The following PPIB variants were observed in gnomAD, a reference collection of about 807,000 sequenced individuals.
PPIB encodes the protein peptidyl-prolyl cis-trans isomerase B.
A neutral mutation model predicts 20.1 loss-of-function variants in PPIB; 15 were observed. The observed-to-expected ratio is 0.75, with a 90% CI of 0.50 to 1.15. The LOEUF (loss-of-function observed/expected upper bound fraction) is 1.15. Among genes scored for constraint, PPIB ranks in the 50% most tolerant of loss-of-function variants. The pLI is 0.00. For missense variants in PPIB, 278 were observed against 283.0 expected, an observed-to-expected ratio of 0.98 and a Z score of 0.13; for synonymous variants, 129 against 111.0, an observed-to-expected ratio of 1.16 and a Z score of -1.02.
In PPIB at chr15:64,161,725, CAA is replaced by C. The variant is rs553065605; in HGVS notation, c.249+314_249+315del. Among the ~76,000 whole-genome samples, 3 of 135,182 alleles carry C rather than the reference CAA, an allele frequency of 2.2e-5. No homozygotes were observed. The highest frequency in any genetic ancestry group is 7.6e-5 in the Admixed American group (1 of 13,214). 88.7% of individuals were successfully genotyped at this position (135,182 alleles called of 152,430 possible). On this transcript the variant is annotated intron_variant, in intron 2 of 4. Coordinates refer to ENST00000300026, the MANE Select transcript of PPIB (RefSeq NM_000942.5). The surrounding 1 kb of genome is among the most constrained non-coding windows in gnomAD (Gnocchi z 4.2). ...AGGCGACAAGAGTGAAACTCCGTCT[CAA>C]AAAAAAAAAAAAATTTGCGGGGGTA...
In PPIB at chr15:64,161,209, G is replaced by A. The variant is rs562406236; in HGVS notation, c.249+832C>T. Among the ~76,000 whole-genome samples the A allele has an allele frequency of 8.0e-5, 12 of 149,842 alleles. No homozygotes were observed. The highest frequency in any genetic ancestry group is 2.1e-4 in the South Asian group (1 of 4,702). On this transcript the variant is annotated intron_variant, in intron 2 of 4. Coordinates refer to ENST00000300026, the MANE Select transcript of PPIB (RefSeq NM_000942.5). This position sits in a 1 kb window ranked among gnomAD's most constrained non-coding sequence, Gnocchi z 4.2. Reference sequence around the variant, plus strand: ...ACTCCTGACCTCAGGTGATCTACCCGCCTCAGCCTCCCAAAGTGCTGGGAC... The same window carrying A: ...ACTCCTGACCTCAGGTGATCTACCCACCTCAGCCTCCCAAAGTGCTGGGAC...
chr15:64,160,185 A>C lies in PPIB; in HGVS notation c.262T>G (p.Tyr88Asp). Residue 88 changes from tyrosine (Y) to aspartate (D), a missense_variant, in exon 3 of 5, where the codon TAC becomes GAC. Transcript: ENST00000300026. The surrounding 1 kb of genome is among the most constrained non-coding windows in gnomAD (Gnocchi z 4.8). ...ALATGEKGFG[Y>D]KNSKFHRVIK... ...ACACGATGGAATTTGCTGTTTTTGT[A>C]GCCAAATCCTTTCTAGAAAAAGGGA... The C allele has an allele frequency of 1.2e-6, 2 of 1,613,210 alleles. No homozygotes were observed. The highest frequency in any genetic ancestry group is 1.7e-6 in the Non-Finnish European group (2 of 1,179,132).
Position 64,156,699 on chromosome 15 carries a change from T to C in PPIB, c.528+26A>G, listed in dbSNP as rs1333524040. 6.2e-7 allele frequency: 1 copy of C among 1,613,628 alleles called. No homozygotes were observed. The highest frequency in any genetic ancestry group is 1.3e-5 in the African/African-American group (1 of 74,896). On this transcript the variant is annotated intron_variant, in intron 4 of 4. Coordinates refer to ENST00000300026, the MANE Select transcript of PPIB (RefSeq NM_000942.5). The surrounding 1 kb of genome is among the most constrained non-coding windows in gnomAD (Gnocchi z 6.4). ...TGAATCCCCGGTGAGGATTGCCCAG[T>C]AGTAGCCCTTGCTTCCACAACTCAC...
At position 64,155,851 on chromosome 15, in the gene PPIB, T is replaced by G; in HGVS notation, c.*172A>C. 2 of 897,708 alleles carry G rather than the reference T, an allele frequency of 2.2e-6. No individual in the cohort carries two copies. The highest frequency in any genetic ancestry group is 3.4e-6 in the Non-Finnish European group (2 of 586,476). 55.6% of individuals were successfully genotyped at this position (897,708 alleles called of 1,614,324 possible). On this transcript the variant is annotated 3_prime_UTR_variant, in exon 5 of 5. Transcript: ENST00000300026. ...AAAAAAAACCCACATTTTTTTTTAT[T>G]GGTCAGTGTTGGTAGGAGTTTGTTA...
In PPIB at chr15:64,156,285, T is replaced by TAACA. The variant is rs2081530843; in HGVS notation, c.529-144_529-141dup. ...CACAAAACTGGAGGCACCAAAATTC[T>TAACA]AACAGACTCCTGGCCAGAGCAGGGA... is the stretch of plus-strand genomic sequence containing the variant. On this transcript the variant is annotated intron_variant, in intron 4 of 4. Transcript: ENST00000300026. The surrounding 1 kb of genome is among the most constrained non-coding windows in gnomAD (Gnocchi z 6.4). 4.6e-6 allele frequency: 5 copies of TAACA among 1,091,364 alleles called. No homozygotes were observed. The East Asian group carries it at 1.3e-4, about 28-fold the overall frequency. The allele number at this position is 1,091,364 out of a possible 1,614,324, so 67.6% of individuals were successfully genotyped here. A position where few individuals can be genotyped will look rare whatever the true frequency, so the allele number is the denominator to read the frequency against.
In PPIB at chr15:64,157,791, C is replaced by T. The variant is rs1159960325; in HGVS notation, c.344-882G>A. 6.6e-6 allele frequency among the ~76,000 whole-genome samples: 1 copy of T among 152,230 alleles called. No homozygotes were observed. Among genetic ancestry groups the T allele is most frequent in the African/African-American group, 2.4e-5 (1 of 41,464 alleles). On this transcript the variant is annotated intron_variant, in intron 3 of 4. Transcript: ENST00000300026. The surrounding 1 kb of genome is among the most constrained non-coding windows in gnomAD (Gnocchi z 4.2). The stretch of plus-strand genomic sequence containing the variant: ...CACAGAATGGAACTGAGCTGGGAAA[C>T]TGTCCTAGACAGATGCCAACCAGGA...
At position 64,160,118 on chromosome 15, in the gene PPIB, C is replaced by A; in HGVS notation, c.329G>T (p.Gly110Val). 6.2e-7 allele frequency: 1 copy of A among 1,613,612 alleles called. No homozygotes were observed. Among genetic ancestry groups the A allele is most frequent in the East Asian group, 2.2e-5 (1 of 44,880 alleles). Residue 110 changes from glycine (G) to valine (V), a missense_variant, in exon 3 of 5, where the codon GGA becomes GTA. Physicochemically the swap from Gly to Val is moderately radical, Grantham distance 109. Coordinates refer to ENST00000300026, the MANE Select transcript of PPIB (RefSeq NM_000942.5). The surrounding 1 kb of genome is among the most constrained non-coding windows in gnomAD (Gnocchi z 4.8). The stretch of plus-strand genomic sequence containing the variant: ...CCTGTGGTTACCTCCTGTGCCATCT[C>A]CCCTGGTGAAGTCTCCGCCCTGGAT... ...FMIQGGDFTR[G>V]DGTGGKSIYG...
In PPIB at chr15:64,155,831, A is replaced by AC; in HGVS notation, c.*191_*192insG. On this transcript the variant is annotated 3_prime_UTR_variant, in exon 5 of 5. Coordinates refer to ENST00000300026, the MANE Select transcript of PPIB (RefSeq NM_000942.5). ...CACACATTATATATTAAAAAAAAAA[A>AC]AACCCACATTTTTTTTTATTGGTCA... 2.5e-6 allele frequency: 2 copies of AC among 794,336 alleles called. No homozygotes were observed. Among genetic ancestry groups the AC allele is most frequent in the East Asian group, 2.8e-5 (1 of 36,032 alleles). 49.2% of individuals were successfully genotyped at this position (794,336 alleles called of 1,614,324 possible). A position where few individuals can be genotyped will look rare whatever the true frequency, so the allele number is the denominator to read the frequency against.
rs1445500104 is a variant in PPIB, at chr15:64,160,085, CCA to C, written c.343+17_343+18del. 6.3e-7 allele frequency: 1 copy of C among 1,590,528 alleles called. No homozygotes were observed. ...AGGCTACACTGACATACTCCTTGGC[CCA>C]GAGGACCTGTGGTTACCTCCTGTGC... On this transcript the variant is annotated intron_variant, in intron 3 of 4. Transcript: ENST00000300026. The surrounding 1 kb of genome is among the most constrained non-coding windows in gnomAD (Gnocchi z 4.8).
Position 64,162,136 on chromosome 15 carries a change from T to C in PPIB, c.154A>G (p.Ile52Val). Residue 52 changes from isoleucine to valine, a missense_variant, in exon 2 of 5, where the codon ATT becomes GTT. By Grantham distance (29) the Ile-to-Val change is conservative. Coordinates refer to ENST00000300026, the MANE Select transcript of PPIB (RefSeq NM_000942.5). ...ACCCGGCCTACATCTTCATCTCCAA[T>C]TCGTAGGTCAAAATACACCTGAGGA... The part of the protein sequence containing the change: ...VTVKVYFDLR[I>V]GDEDVGRVIF... 1 of 1,613,622 alleles carries C rather than the reference T, an allele frequency of 6.2e-7. No individual in the cohort carries two copies. The highest frequency in any genetic ancestry group is 8.5e-7 in the Non-Finnish European group (1 of 1,179,546).
In PPIB at chr15:64,157,521, A is replaced by C. The variant is rs2081542356; in HGVS notation, c.344-612T>G. The stretch of plus-strand genomic sequence containing the variant: ...CCACGTGGGGCTTGGGGATATGGTA[A>C]GGGCAATCCGGAGTGATCTCTATGC... On this transcript the variant is annotated intron_variant, in intron 3 of 4. Transcript: ENST00000300026. This position sits in a 1 kb window ranked among gnomAD's most constrained non-coding sequence, Gnocchi z 4.2. The C allele has an allele frequency of 6.4e-6, 1 of 155,470 alleles. No individual in the cohort carries two copies. The allele number at this position is 155,470 out of a possible 1,614,324, so 9.6% of individuals were successfully genotyped here.
chr15:64,156,827 G>T lies in PPIB; in HGVS notation c.426C>A (p.Asn142Lys). 1 of 1,614,196 alleles carries T rather than the reference G, an allele frequency of 6.2e-7. No individual in the cohort carries two copies. Among genetic ancestry groups the T allele is most frequent in the South Asian group, 1.1e-5 (1 of 91,084 alleles). Reference protein sequence around the residue: ...HYGPGWVSMANAGKDTNGSQF... With the variant: ...HYGPGWVSMAKAGKDTNGSQF... ...GGGAGCCGTTGGTGTCTTTGCCTGC[G>T]TTGGCCATGCTCACCCAGCCAGGCC... Residue 142 changes from asparagine (N) to lysine (K), a missense_variant, in exon 4 of 5, where the codon AAC becomes AAA. Asn to Lys is a moderately conservative substitution (Grantham distance 94). Coordinates refer to ENST00000300026, the MANE Select transcript of PPIB (RefSeq NM_000942.5). The surrounding 1 kb of genome is among the most constrained non-coding windows in gnomAD (Gnocchi z 6.4).
rs1196442710 is a variant in PPIB, at chr15:64,161,861, G to A, written c.249+180C>T. Among the ~76,000 whole-genome samples the A allele has an allele frequency of 6.6e-6, 1 of 152,176 alleles. No individual in the cohort carries two copies. Among genetic ancestry groups the A allele is most frequent in the Non-Finnish European group, 1.5e-5 (1 of 68,032 alleles). ...TGGGATTTTAAGTGTGAGCCACTGT[G>A]CCTGGTCAGGGCCCCATTACTCTTA... On this transcript the variant is annotated intron_variant, in intron 2 of 4. Coordinates refer to ENST00000300026, the MANE Select transcript of PPIB (RefSeq NM_000942.5). The surrounding 1 kb of genome is among the most constrained non-coding windows in gnomAD (Gnocchi z 4.2).
rs771666032 is a variant in PPIB at position 64,162,837 on chromosome 15, C to G, written c.135+15G>C. 2 of 1,608,316 alleles carry G rather than the reference C, an allele frequency of 1.2e-6. No homozygotes were observed. The highest frequency in any genetic ancestry group is 1.7e-6 in the Non-Finnish European group (2 of 1,177,730). On this transcript the variant is annotated intron_variant, in intron 1 of 4. Coordinates refer to ENST00000300026, the MANE Select transcript of PPIB (RefSeq NM_000942.5). ...CCGAGCTCCGGCACCGTAAATGCCG[C>G]GGACTCCACCGGACCTTGACGGTGA...
rs974103756 is a variant in PPIB, at chr15:64,157,069, C to G, written c.344-160G>C. 1 of 775,640 alleles carries G rather than the reference C, an allele frequency of 1.3e-6. No individual in the cohort carries two copies. 48.0% of individuals were successfully genotyped at this position (775,640 alleles called of 1,614,324 possible). ...CAGCGTCCTTCCTATCTTCTGGCCT[C>G]AGAGCCAAGCCATGCTGACTGAGGC... On this transcript the variant is annotated intron_variant, in intron 3 of 4. Transcript: ENST00000300026. This position sits in a 1 kb window ranked among gnomAD's most constrained non-coding sequence, Gnocchi z 4.2.
rs576176414 is a variant in PPIB, at chr15:64,157,999, A to C, written c.344-1090T>G. Among the ~76,000 whole-genome samples, 1 of 152,298 alleles carries C rather than the reference A, an allele frequency of 6.6e-6. No homozygotes were observed. Among genetic ancestry groups the C allele is most frequent in the Admixed American group, 6.5e-5 (1 of 15,308 alleles). ...GCTGGCTAAAAGCCTCCCCCATTTG[A>C]GCCAACTGTGGGATTTTGATTATAG... On this transcript the variant is annotated intron_variant, in intron 3 of 4. Transcript: ENST00000300026. This position sits in a 1 kb window ranked among gnomAD's most constrained non-coding sequence, Gnocchi z 4.2.
Position 64,159,618 on chromosome 15 carries a change from T to G in PPIB, c.343+486A>C, listed in dbSNP as rs1596030142. 1 of 199,628 alleles carries G rather than the reference T, an allele frequency of 5.0e-6. No homozygotes were observed. Among genetic ancestry groups the G allele is most frequent in the Non-Finnish European group, 1.0e-5 (1 of 96,090 alleles). 12.4% of individuals were successfully genotyped at this position (199,628 alleles called of 1,614,324 possible). ...GGTTTCAACATGTTGGCCAGGCTGG[T>G]CTTGAACTCCTGGCCTCAAGTGATC... On this transcript the variant is annotated intron_variant, in intron 3 of 4. Coordinates refer to ENST00000300026, the MANE Select transcript of PPIB (RefSeq NM_000942.5). The surrounding 1 kb of genome is among the most constrained non-coding windows in gnomAD (Gnocchi z 5.1).
At position 64,159,714 on chromosome 15, in the gene PPIB, G is replaced by A. The variant is rs2081555266; in HGVS notation, c.343+390C>T. The A allele has an allele frequency of 3.2e-6, 1 of 315,734 alleles. No individual in the cohort carries two copies. Among genetic ancestry groups the A allele is most frequent in the Non-Finnish European group, 6.1e-6 (1 of 163,528 alleles). 19.6% of individuals were successfully genotyped at this position (315,734 alleles called of 1,614,324 possible). On this transcript the variant is annotated intron_variant, in intron 3 of 4. Coordinates refer to ENST00000300026, the MANE Select transcript of PPIB (RefSeq NM_000942.5). The surrounding 1 kb of genome is among the most constrained non-coding windows in gnomAD (Gnocchi z 5.1). ...GCCTGGCCCTCTCACTCTTGCTGGG[G>A]CTTCCAGGGTAGCCTGGACAGGCTT...
In PPIB at chr15:64,159,994, C is replaced by T; in HGVS notation, c.343+110G>A. On this transcript the variant is annotated intron_variant, in intron 3 of 4. Transcript: ENST00000300026. The surrounding 1 kb of genome is among the most constrained non-coding windows in gnomAD (Gnocchi z 5.1). ...CAAAGTAGGTAAGTAATAAGTAGGC[C>T]TGCCTCTAGAGCTGGGGAAGAAAGA... 1.1e-6 allele frequency: 1 copy of T among 945,348 alleles called. No homozygotes were observed. Among genetic ancestry groups the T allele is most frequent in the South Asian group, 1.3e-5 (1 of 75,528 alleles). The allele number at this position is 945,348 out of a possible 1,614,324, so 58.6% of individuals were successfully genotyped here.
Sources: gnomAD v4.1 joint callset for allele counts (sites outside exome capture counted in the v4.1 genomes callset) on GRCh38, gnomAD v4.1.1 for gene constraint, Gnocchi (gnomAD v3.1) non-coding constraint, MANE v1.5 for transcripts, NCBI Gene and HGNC (gene_info 2026-07-23, HGNC 2026-07-21) for gene names.